Variants in FMN1 observed in about 807,000 individuals in gnomAD.
FMN1 encodes the protein formin-1.
Under a neutral mutation model 132.4 loss-of-function variants are expected in FMN1, and 110 were observed. That is an observed-to-expected ratio of 0.83 (90% confidence interval 0.71 to 0.97). The LOEUF (loss-of-function observed/expected upper bound fraction) is 0.97. Among genes scored for constraint, FMN1 ranks in the 50% least tolerant of loss-of-function variants. FMN1 has a pLI of 0.00. For synonymous variants in FMN1, 722 were observed against 651.7 expected, an observed-to-expected ratio of 1.11 and a Z score of -1.64; for missense variants, 1,792 against 1,705.3, an observed-to-expected ratio of 1.05 and a Z score of -0.90.
intron 9 of FMN1, among the ~76,000 whole-genome samples, chr15:32,946,418 G>C (rs545299080): frequency 6.6e-6 from 1 of 152,158 alleles, no homozygotes; most frequent in Admixed American, 6.5e-5. Context: ...CATGGTAGAT[G>C]ATTTGCCCAG....
chr15:32,864,315 A>T (rs1292241323), intron 16 of FMN1, among the ~76,000 whole-genome samples: 3 of 152,200 alleles, frequency 2.0e-5, no homozygotes, highest in African/African-American at 4.8e-5. Flanking sequence ...GGTGAGGATA[A>T]CTAGGAGAGG....
chr15:32,845,328 T>C (rs1487276987), intron 17 of FMN1, among the ~76,000 whole-genome samples: 2 of 152,240 alleles, frequency 1.3e-5, no homozygotes, highest in Non-Finnish European at 2.9e-5. Flanking sequence ...AATTCTTTAC[T>C]AATTACAATG....
At chr15:33,076,290 G>A (rs747274016) in intron 5 of FMN1, among the ~76,000 whole-genome samples, 1 of 152,178 alleles carries the variant, frequency 6.6e-6, no homozygotes, top group Non-Finnish European at 1.5e-5. Context: ...AGTTGCTCCT[G>A]ATAAAAGATG....
chr15:32,846,934 G>A (rs965712429), intron 17 of FMN1, among the ~76,000 whole-genome samples: 1 of 152,136 alleles, frequency 6.6e-6, no homozygotes, highest in African/African-American at 2.4e-5. Context: ...CTAATGAAAT[G>A]TGAAAAGGGT....
At chr15:33,081,111 G>A (rs1376285452) in intron 5 of FMN1, among the ~76,000 whole-genome samples, 2 of 152,034 alleles carry the variant, frequency 1.3e-5, no homozygotes, top group South Asian at 2.1e-4. Flanking sequence ...CAAAACTTCC[G>A]CTTCTTAAAC....
chr15:33,037,603 G>A (rs376231511), intron 6 of FMN1, among the ~76,000 whole-genome samples: 1 of 152,144 alleles, frequency 6.6e-6, no homozygotes, highest in African/African-American at 2.4e-5. Flanking sequence ...CATGACCTGG[G>A]GAAAGATAAA....
intron 16 of FMN1, among the ~76,000 whole-genome samples, chr15:32,859,039 T>A (rs2141301663): frequency 6.6e-6 from 1 of 152,252 alleles, no homozygotes; most frequent in East Asian, 1.9e-4. Flanking sequence ...TCAGTCAAGG[T>A]AGGGTTGAAG....
At chr15:33,068,481 GC>G (rs1401840003) in intron 5 of FMN1, among the ~76,000 whole-genome samples, 1 of 152,146 alleles carries the variant, frequency 6.6e-6, no homozygotes, top group African/African-American at 2.4e-5. Flanking sequence ...GATCAGAGAG[GC>G]CTGGGGCATC....
At chr15:32,847,417 T>C (rs2058883809) in intron 17 of FMN1, among the ~76,000 whole-genome samples, 1 of 152,170 alleles carries the variant, frequency 6.6e-6, no homozygotes, top group African/African-American at 2.4e-5. Flanking sequence ...CACTAGCATG[T>C]AGTTCTGAGA....
rs558484882 is a variant in FMN1 at position 33,096,893 on chromosome 15, C to T, written c.1868-7919G>A. 9.8e-5 allele frequency among the ~76,000 whole-genome samples: 15 copies of T among 152,302 alleles called. No individual in the cohort carries two copies. In the East Asian group the frequency reaches 1.2e-3, roughly 12 times the overall value. On this transcript the variant is annotated intron_variant, in intron 4 of 20. Transcript: ENST00000616417. ...CTGGGATTACAGGCATGCACCAACT[C>T]GCCTCGCTGCCCCATTTTTATTTAC...
intron 6 of FMN1, among the ~76,000 whole-genome samples, chr15:33,061,632 A>G (rs1011917724): frequency 2.0e-5 from 3 of 152,128 alleles, no homozygotes; most frequent in Non-Finnish European, 4.4e-5. Flanking sequence ...AGGAAATCCA[A>G]AAACATTTTT....
At chr15:32,832,716 T>G (rs2058531238) in intron 17 of FMN1, among the ~76,000 whole-genome samples, 1 of 152,024 alleles carries the variant, frequency 6.6e-6, no homozygotes, top group Non-Finnish European at 1.5e-5. Flanking sequence ...AGGTGGAGGT[T>G]GCAGTGAGCT....
chr15:33,055,870 T>C (rs1595367211), intron 6 of FMN1, among the ~76,000 whole-genome samples: 1 of 152,234 alleles, frequency 6.6e-6, no homozygotes, highest in East Asian at 1.9e-4. Flanking sequence ...AAATCCAGCA[T>C]ATAAAAATAA....
At chr15:32,962,750 C>A (rs1003753885) in intron 9 of FMN1, among the ~76,000 whole-genome samples, 1 of 150,936 alleles carries the variant, frequency 6.6e-6, no homozygotes, top group Non-Finnish European at 1.5e-5. Flanking sequence ...AAATGCTCAC[C>A]ATCACTGGCC....
intron 3 of FMN1, among the ~76,000 whole-genome samples, chr15:33,174,776 G>A (rs1168506138): frequency 4.0e-5 from 6 of 151,408 alleles, no homozygotes; most frequent in Non-Finnish European, 5.9e-5. Flanking sequence ...TATTACCAAC[G>A]ACAAGATCCC....
chr15:33,118,900 C>T (rs1348305570), intron 4 of FMN1, among the ~76,000 whole-genome samples: 3 of 148,364 alleles, frequency 2.0e-5, no homozygotes, highest in Non-Finnish European at 4.4e-5. Context: ...AAAGATTGGC[C>T]GTAAACCTTC....
chr15:32,817,049 A>G (rs1380539697), intron 17 of FMN1, among the ~76,000 whole-genome samples: 2 of 152,374 alleles, frequency 1.3e-5, no homozygotes, highest in Admixed American at 6.5e-5. Context: ...ATACTTATAC[A>G]TGATTTACAA....
At chr15:33,065,163 T>G in intron 5 of FMN1, 89 bp from the exon 6 acceptor site, 1 of 786,630 alleles carries the variant, frequency 1.3e-6, no homozygotes, top group Non-Finnish European at 2.0e-6. Flanking sequence ...ATTCTGAAGT[T>G]AATTTTAATG....
chr15:32,893,597 C>T (rs2141537015), intron 15 of FMN1, among the ~76,000 whole-genome samples: 1 of 152,348 alleles, frequency 6.6e-6, no homozygotes, highest in Middle Eastern at 3.4e-3. Flanking sequence ...CTCATCACCA[C>T]TAACCAAAAA....
Sources: gnomAD v4.1 joint callset for allele counts (sites outside exome capture counted in the v4.1 genomes callset) on GRCh38, gnomAD v4.1.1 for gene constraint, MANE v1.5 for transcripts, NCBI Gene and HGNC (gene_info 2026-07-23, HGNC 2026-07-21) for gene names.